MTHFD1L: variants seen among roughly 807,000 people sequenced by gnomAD.
The protein encoded by MTHFD1L is methylenetetrahydrofolate dehydrogenase (NADP+ dependent) 1 like, also known as monofunctional C1-tetrahydrofolate synthase, mitochondrial.
Under a neutral mutation model 119.5 loss-of-function variants are expected in MTHFD1L, and 81 were observed. The observed-to-expected ratio is 0.68, with a 90% CI of 0.57 to 0.82. The LOEUF (loss-of-function observed/expected upper bound fraction) is 0.82. Ranked by LOEUF, MTHFD1L falls within the 40% of genes least tolerant of loss-of-function variation. MTHFD1L has a pLI of 0.00. For missense variants in MTHFD1L, 1,125 were observed against 1,253.4 expected, an observed-to-expected ratio of 0.90 and a Z score of 1.55; for synonymous variants, 430 against 475.2, an observed-to-expected ratio of 0.90 and a Z score of 1.24.
intron 20 of MTHFD1L, among the ~76,000 whole-genome samples, chr6:150,989,164 C>T (rs1376087307): frequency 6.6e-6 from 1 of 152,194 alleles, no homozygotes; most frequent in Non-Finnish European, 1.5e-5. Flanking sequence ...AAGTACTATG[C>T]AAATTACAAA....
chr6:150,921,044 C>T (rs1402985426), intron 9 of MTHFD1L, among the ~76,000 whole-genome samples: 2 of 149,912 alleles, frequency 1.3e-5, no homozygotes, highest in African/African-American at 2.5e-5. Flanking sequence ...CTCCATCTCC[C>T]GGGCTCAAGT....
chr6:150,977,675 G>A (rs1367094047), intron 20 of MTHFD1L, among the ~76,000 whole-genome samples: 1 of 152,106 alleles, frequency 6.6e-6, no homozygotes, highest in African/African-American at 2.4e-5. Flanking sequence ...CATTAACTTA[G>A]GATTTTTTAA....
chr6:150,969,821 A>G (rs984439086), intron 19 of MTHFD1L, among the ~76,000 whole-genome samples: 1 of 152,208 alleles, frequency 6.6e-6, no homozygotes, highest in Non-Finnish European at 1.5e-5. Context: ...TGGCAAATGA[A>G]GATACCATCT....
intron 8 of MTHFD1L, among the ~76,000 whole-genome samples, chr6:150,915,222 A>G (rs1787645237): frequency 6.6e-6 from 1 of 152,226 alleles, no homozygotes; most frequent in Non-Finnish European, 1.5e-5. Context: ...ACACAAATTC[A>G]TAAACTTTCT....
chr6:151,095,831 T>C (rs1362623842), intron 27 of MTHFD1L, among the ~76,000 whole-genome samples: 1 of 152,240 alleles, frequency 6.6e-6, no homozygotes, highest in Non-Finnish European at 1.5e-5. Context: ...CTTGCCACCC[T>C]GTGGCACTGC....
chr6:150,987,192 G>A (rs1379617969), intron 20 of MTHFD1L, among the ~76,000 whole-genome samples: 3 of 152,080 alleles, frequency 2.0e-5, no homozygotes, highest in East Asian at 3.9e-4. Context: ...AGGCTTCTAC[G>A]AGTCATTCGG....
At chr6:150,985,306 CCTT>C (rs1778125301) in intron 20 of MTHFD1L, 1 of 152,128 alleles carries the variant, frequency 6.6e-6, no homozygotes, top group Non-Finnish European at 1.5e-5. Context: ...TATGTGTTCT[CCTT>C]GTACAAAGGT....
At chr6:150,947,626 A>G (rs572974815) in intron 15 of MTHFD1L, among the ~76,000 whole-genome samples, 2 of 151,876 alleles carry the variant, frequency 1.3e-5, no homozygotes, top group East Asian at 3.9e-4. Flanking sequence ...TTTCTCCTCC[A>G]TAAATTAGGA....
At chr6:150,918,863 G>A (rs148327165) in intron 9 of MTHFD1L, among the ~76,000 whole-genome samples, 195 bp downstream of exon 9, 3 of 152,136 alleles carry the variant, frequency 2.0e-5, no homozygotes, top group Non-Finnish European at 2.9e-5. Context: ...GGCAGTGTGG[G>A]GCAGGGACCC....
chr6:150,932,086 C>T (rs747858666), intron 11 of MTHFD1L, among the ~76,000 whole-genome samples: 66 of 125,334 alleles, frequency 5.3e-4, no homozygotes, highest in Admixed American at 7.4e-4. Context: ...TGCTTGAGCC[C>T]GGGAGGTGGA....
chr6:150,965,091 ATGTGAACATTTT>A (rs1299581396), intron 19 of MTHFD1L, 54 bp downstream of exon 19: 15 of 1,500,170 alleles, frequency 1.0e-5, no homozygotes, highest in Non-Finnish European at 1.4e-5. Context: ...TTGCCACACA[ATGTGAACATTTT>A]TAGCCAATAT....
chr6:150,963,933 C>T (rs941281215), intron 18 of MTHFD1L, among the ~76,000 whole-genome samples: 5 of 152,110 alleles, frequency 3.3e-5, no homozygotes, highest in East Asian at 1.9e-4. Flanking sequence ...TTTGAGAGGC[C>T]GAGGCAGGCA....
At chr6:150,867,925 G>T (rs1271521100) in intron 1 of MTHFD1L, among the ~76,000 whole-genome samples, 4 of 151,010 alleles carry the variant, frequency 2.6e-5, no homozygotes, top group African/African-American at 9.8e-5. Flanking sequence ...AGCCTCCCGA[G>T]TAGCTGGGAT....
At chr6:150,996,230 T>C (rs970152488) in intron 20 of MTHFD1L, among the ~76,000 whole-genome samples, 1 of 152,184 alleles carries the variant, frequency 6.6e-6, no homozygotes. Flanking sequence ...GGCCTGTTCT[T>C]GTCTCCATGC....
At chr6:150,935,348 C>T in intron 11 of MTHFD1L, 1 of 1,613,364 alleles carries the variant, frequency 6.2e-7, no homozygotes, top group Non-Finnish European at 8.5e-7. Flanking sequence ...TCAAGGAGTC[C>T]CTGTACTTAT....
At chr6:151,007,263 G>A (rs1562528044) in intron 20 of MTHFD1L, among the ~76,000 whole-genome samples, 1 of 151,706 alleles carries the variant, frequency 6.6e-6, no homozygotes, top group Non-Finnish European at 1.5e-5. Context: ...CCAGTGTGCC[G>A]CCCTCCAGCT....
intron 24 of MTHFD1L, among the ~76,000 whole-genome samples, chr6:151,034,029 A>T (rs1485034470): frequency 2.0e-5 from 3 of 152,078 alleles, no homozygotes; most frequent in South Asian, 2.1e-4. Context: ...TGCAGAAAAA[A>T]AATTAGCTTG....
intron 7 of MTHFD1L, among the ~76,000 whole-genome samples, chr6:150,892,076 A>G (rs555496846): frequency 1.3e-5 from 2 of 152,338 alleles, no homozygotes; most frequent in South Asian, 4.1e-4. Context: ...GTGCGTTTTT[A>G]GCAGTCACCA....
chr6:151,054,694 A>C lies in MTHFD1L; in HGVS notation c.2847+17577A>C, dbSNP rs912085415. ...GACATCTTTCTACCCCCAAATAATC[A>C]GTTCTTTCCCCCTAAATAAAATGGG... On this transcript the variant is annotated intron_variant, in intron 26 of 27. Transcript: ENST00000367321. Among the ~76,000 whole-genome samples the C allele has an allele frequency of 2.3e-4, 35 of 152,292 alleles. 1 individual carries two copies. The highest frequency in any genetic ancestry group is 2.1e-4 in the South Asian group (1 of 4,818).
Sources: gnomAD v4.1 joint callset for allele counts (sites outside exome capture counted in the v4.1 genomes callset) on GRCh38, gnomAD v4.1.1 for gene constraint, MANE v1.5 for transcripts, NCBI Gene and HGNC (gene_info 2026-07-23, HGNC 2026-07-21) for gene names.